Variants in TMTC2 observed in about 807,000 individuals in gnomAD.
TMTC2 encodes protein O-mannosyl-transferase TMTC2.
Under a neutral mutation model 82.4 loss-of-function variants are expected in TMTC2, and 43 were observed. The observed-to-expected ratio is 0.52, with a 90% CI of 0.41 to 0.67. The LOEUF (loss-of-function observed/expected upper bound fraction) is 0.67, where lower values mean the gene tolerates loss of function less well. Among genes scored for constraint, TMTC2 ranks in the 30% least tolerant of loss-of-function variants. The pLI is 0.00. For synonymous variants in TMTC2, 408 were observed against 381.9 expected, an observed-to-expected ratio of 1.07 and a Z score of -0.80; for missense variants, 919 against 1,012.4, an observed-to-expected ratio of 0.91 and a Z score of 1.25.
chr12:83,017,625 C>T (rs1012352216), intron 8 of TMTC2, among the ~76,000 whole-genome samples: 1 of 152,022 alleles, frequency 6.6e-6, no homozygotes, highest in Non-Finnish European at 1.5e-5. Context: ...CTGAGTGGGC[C>T]TGGGAAGAAG....
At chr12:83,118,999 A>G (rs1387586796) in intron 11 of TMTC2, among the ~76,000 whole-genome samples, 4 of 152,074 alleles carry the variant, frequency 2.6e-5, no homozygotes, top group African/African-American at 7.2e-5. Context: ...GTCAGTTGTA[A>G]TATCTTCTAT....
chr12:83,062,296 G>A (rs1882772058), intron 11 of TMTC2, among the ~76,000 whole-genome samples: 1 of 151,588 alleles, frequency 6.6e-6, no homozygotes, highest in African/African-American at 2.4e-5. Flanking sequence ...ACTTTATCAA[G>A]AATGTTTTTA....
At chr12:82,889,282 A>AAAAAAAAAC (rs745538936) in intron 2 of TMTC2, among the ~76,000 whole-genome samples, 1 of 149,432 alleles carries the variant, frequency 6.7e-6, no homozygotes, top group African/African-American at 2.5e-5. Flanking sequence ...AAAAAAAAAA[A>AAAAAAAAAC]AGTGTAGGAA....
intron 1 of TMTC2, among the ~76,000 whole-genome samples, chr12:82,845,215 C>T (rs1314992229): frequency 1.1e-4 from 11 of 97,660 alleles, no homozygotes; most frequent in African/African-American, 4.3e-4. Flanking sequence ...GGTGACAGAG[C>T]GTGACTGTCT....
intron 1 of TMTC2, among the ~76,000 whole-genome samples, chr12:82,843,401 C>T (rs1870453049): frequency 6.6e-6 from 1 of 151,910 alleles, no homozygotes; most frequent in South Asian, 2.1e-4. Flanking sequence ...TCTTACTTTC[C>T]AGTGTCCACA....
intron 1 of TMTC2, among the ~76,000 whole-genome samples, chr12:82,706,547 C>T (rs1478871947): frequency 2.0e-5 from 3 of 151,974 alleles, no homozygotes; most frequent in Non-Finnish European, 4.4e-5. Flanking sequence ...CACAGAAAAA[C>T]AGGTAGCTAT....
intron 1 of TMTC2, among the ~76,000 whole-genome samples, chr12:82,733,747 T>C (rs959213820): frequency 1.3e-5 from 2 of 152,212 alleles, no homozygotes; most frequent in African/African-American, 4.8e-5. Context: ...TTATCTAATA[T>C]CTTTGTGGAG....
intron 11 of TMTC2, among the ~76,000 whole-genome samples, chr12:83,131,358 A>C (rs941778281): frequency 6.6e-6 from 1 of 152,120 alleles, no homozygotes; most frequent in African/African-American, 2.4e-5. Flanking sequence ...GGGGATGAAA[A>C]CCTTTGTATT....
chr12:82,745,121 GA>G (rs1267656886), intron 1 of TMTC2, among the ~76,000 whole-genome samples: 1 of 152,020 alleles, frequency 6.6e-6, no homozygotes, highest in Non-Finnish European at 1.5e-5. Flanking sequence ...TTAGCATCTT[GA>G]AAGACACAAC....
intron 1 of TMTC2, among the ~76,000 whole-genome samples, chr12:82,728,771 G>A (rs1874596612): frequency 6.6e-6 from 1 of 152,212 alleles, no homozygotes; most frequent in Non-Finnish European, 1.5e-5. Flanking sequence ...AGGTGTGGAG[G>A]CAGAGGCGTG....
chr12:82,895,735 A>G, intron 2 of TMTC2, 83 bp from the exon 3 acceptor site: 1 of 1,258,824 alleles, frequency 7.9e-7, no homozygotes. Context: ...CCATTTAAAA[A>G]TGTATTTTAT....
intron 8 of TMTC2, among the ~76,000 whole-genome samples, chr12:83,007,724 C>A (rs1292984417): frequency 6.6e-6 from 1 of 151,968 alleles, no homozygotes; most frequent in Non-Finnish European, 1.5e-5. Context: ...TTCTATAACC[C>A]TCTTCATTTT....
chr12:82,813,372 T>G (rs1349473886), intron 1 of TMTC2, among the ~76,000 whole-genome samples: 2 of 152,110 alleles, frequency 1.3e-5, no homozygotes. Context: ...CTTTACCAAG[T>G]GTTAACTTTG....
At chr12:82,776,351 A>G (rs756229176) in intron 1 of TMTC2, among the ~76,000 whole-genome samples, 2 of 152,066 alleles carry the variant, frequency 1.3e-5, no homozygotes, top group East Asian at 3.9e-4. Context: ...TGGCAGACAA[A>G]CATCCTGTGT....
At chr12:82,938,948 C>T (rs182496716) in intron 4 of TMTC2, among the ~76,000 whole-genome samples, 2 of 152,138 alleles carry the variant, frequency 1.3e-5, no homozygotes, top group African/African-American at 2.4e-5. Context: ...GTTTTTTCCC[C>T]TGCATATATG....
At chr12:82,886,188 C>T (rs527740130) in intron 2 of TMTC2, among the ~76,000 whole-genome samples, 27 of 152,186 alleles carry the variant, frequency 1.8e-4, no homozygotes, top group South Asian at 2.1e-4. Flanking sequence ...TGTACTTTCA[C>T]GTGTGTTTTG....
chr12:82,713,635 C>T (rs998301257), intron 1 of TMTC2, among the ~76,000 whole-genome samples: 6 of 152,128 alleles, frequency 3.9e-5, no homozygotes, highest in South Asian at 2.1e-4. Flanking sequence ...ATGACAACAC[C>T]AGAAAGACCT....
intron 1 of TMTC2, among the ~76,000 whole-genome samples, chr12:82,773,881 G>T (rs1261093226): frequency 6.6e-6 from 1 of 151,982 alleles, no homozygotes; most frequent in Admixed American, 6.6e-5. Context: ...GCAGTCCAGA[G>T]ATGAGAATTT....
At position 82,761,922 on chromosome 12, in the gene TMTC2, C is replaced by G. The variant is rs150247993; in HGVS notation, c.83+74253C>G. On this transcript the variant is annotated intron_variant, in intron 1 of 11. Coordinates refer to ENST00000321196, the MANE Select transcript of TMTC2 (RefSeq NM_152588.3). ...TTTCTTTCTTTTTCTTTTTCTTTCTCTTTCCTTTCTTCCTTCCTTCTTTCT... is the reference window on the plus strand; with the variant it reads ...TTTCTTTCTTTTTCTTTTTCTTTCTGTTTCCTTTCTTCCTTCCTTCTTTCT... 2.6e-3 allele frequency among the ~76,000 whole-genome samples: 353 copies of G among 138,292 alleles called. 3 individuals carry two copies. Among genetic ancestry groups the G allele is most frequent in the African/African-American group, 8.4e-3 (313 of 37,260 alleles). 90.7% of individuals were successfully genotyped at this position (138,292 alleles called of 152,430 possible).
Sources: allele counts gnomAD v4.1 joint callset (sites outside exome capture counted in the v4.1 genomes callset), GRCh38; gene constraint gnomAD v4.1.1; transcripts MANE v1.5; gene names NCBI Gene and HGNC (gene_info 2026-07-23, HGNC 2026-07-21).